The following NRG1 variants were observed in gnomAD, a reference collection of about 807,000 sequenced individuals.
NRG1 encodes pro-neuregulin-1, membrane-bound isoform.
Under a neutral mutation model 63.8 loss-of-function variants are expected in NRG1, and 18 were observed. The observed-to-expected ratio is 0.28, with a 90% CI of 0.19 to 0.42. NRG1 has a LOEUF of 0.42. NRG1 is among the 10% of genes least tolerant of loss of function. The pLI is 1.00. For missense variants in NRG1, 762 were observed against 814.7 expected, an observed-to-expected ratio of 0.94 and a Z score of 0.79; for synonymous variants, 302 against 301.3, an observed-to-expected ratio of 1.00 and a Z score of -0.02.
At chr8:32,389,295 AT>A (rs1327167254) in intron 1 of NRG1, among the ~76,000 whole-genome samples, 1 of 152,214 alleles carries the variant, frequency 6.6e-6, no homozygotes, top group Admixed American at 6.5e-5. Context: ...AAAGAAGCCT[AT>A]CAGCAGAGAT....
chr8:31,949,496 T>C (rs1586003400), intron 1 of NRG1, among the ~76,000 whole-genome samples: 1 of 152,360 alleles, frequency 6.6e-6, no homozygotes, highest in East Asian at 1.9e-4. Context: ...TTTGTTTCAC[T>C]GGATTGCTCA....
rs1232875525 is a variant in NRG1, at chr8:31,917,056, G to GT, written c.37+277632dup. On this transcript the variant is annotated intron_variant, in intron 1 of 10. Transcript: ENST00000519301. Reference sequence around the variant, plus strand: ...CGCCCACTTTTTGATGTGGTTGTTTGTTTTTTTCTTGTAAATTTATTTGAG... The same window carrying GT: ...CGCCCACTTTTTGATGTGGTTGTTTGTTTTTTTTCTTGTAAATTTATTTGAG... 1.7e-3 allele frequency among the ~76,000 whole-genome samples: 255 copies of GT among 150,564 alleles called. 2 individuals are homozygous for GT. Among genetic ancestry groups the GT allele is most frequent in the African/African-American group, 5.9e-3 (239 of 40,844 alleles).
chr8:31,865,902 T>G (rs760384155), intron 1 of NRG1, among the ~76,000 whole-genome samples: 25 of 152,238 alleles, frequency 1.6e-4, no homozygotes, highest in Admixed American at 5.2e-4. Flanking sequence ...GAAAAGAAAT[T>G]TACTTCTTAT....
At chr8:31,862,437 T>C (rs1167614692) in intron 1 of NRG1, among the ~76,000 whole-genome samples, 5 of 152,228 alleles carry the variant, frequency 3.3e-5, no homozygotes, top group Non-Finnish European at 7.3e-5. Flanking sequence ...GATACTAAGT[T>C]GTGACAAAAT....
At chr8:32,176,408 T>C (rs1414915074) in intron 1 of NRG1, among the ~76,000 whole-genome samples, 33 of 152,178 alleles carry the variant, frequency 2.2e-4, no homozygotes. Context: ...ATTCAGGACA[T>C]AGGCATGGAC....
chr8:32,569,324 C>T (rs559307586), intron 1 of NRG1, among the ~76,000 whole-genome samples: 10 of 152,286 alleles, frequency 6.6e-5, no homozygotes, highest in African/African-American at 2.4e-4. Flanking sequence ...GCTGGGATTA[C>T]AGGCATGAGC....
chr8:31,745,701 T>C (rs984558704), intron 1 of NRG1, among the ~76,000 whole-genome samples: 27 of 152,026 alleles, frequency 1.8e-4, no homozygotes, highest in Non-Finnish European at 1.3e-4. Context: ...TGAGACTCTG[T>C]GATGATACCT....
At chr8:32,249,526 C>T (rs1054465952) in intron 1 of NRG1, among the ~76,000 whole-genome samples, 16 of 152,146 alleles carry the variant, frequency 1.1e-4, no homozygotes, top group Admixed American at 1.0e-3. Flanking sequence ...TGTCTTTCAC[C>T]CATAAGATAC....
chr8:32,551,970 G>A (rs537379458), intron 1 of NRG1, among the ~76,000 whole-genome samples: 2 of 150,214 alleles, frequency 1.3e-5, no homozygotes, highest in Non-Finnish European at 3.0e-5. Context: ...AGTGCAGTGG[G>A]TGCAATCTCG....
intron 1 of NRG1, among the ~76,000 whole-genome samples, chr8:32,276,433 C>T (rs1317398729): frequency 6.6e-6 from 1 of 152,156 alleles, no homozygotes; most frequent in Non-Finnish European, 1.5e-5. Flanking sequence ...ACATTTTCTT[C>T]ATCCATCCAT....
At chr8:32,750,377 T>C (rs187486019) in intron 7 of NRG1, among the ~76,000 whole-genome samples, 1 of 152,184 alleles carries the variant, frequency 6.6e-6, no homozygotes, top group Admixed American at 6.5e-5. Flanking sequence ...TCCTACATAG[T>C]TGGGATTGAA....
intron 1 of NRG1, among the ~76,000 whole-genome samples, chr8:32,182,749 C>T (rs1563881445): frequency 6.6e-6 from 1 of 152,022 alleles, no homozygotes; most frequent in African/African-American, 2.4e-5. Context: ...CTTTACAAAA[C>T]AGTGTTAATA....
At chr8:32,240,904 G>A (rs905647939) in intron 1 of NRG1, among the ~76,000 whole-genome samples, 9 of 151,992 alleles carry the variant, frequency 5.9e-5, no homozygotes, top group Admixed American at 1.3e-4. Context: ...CCTATCCAAA[G>A]CTTAGTCAAT....
chr8:32,546,207 T>C (rs1833046458), upstream of NRG1, among the ~76,000 whole-genome samples: 1 of 152,116 alleles, frequency 6.6e-6, no homozygotes, highest in Non-Finnish European at 1.5e-5. Context: ...GAAAAATTAC[T>C]CTAAAAATGA....
intron 1 of NRG1, among the ~76,000 whole-genome samples, chr8:32,059,303 T>C (rs566709944): frequency 6.6e-6 from 1 of 152,056 alleles, no homozygotes; most frequent in South Asian, 2.1e-4. Context: ...ATCCCCCTTC[T>C]AGAGTCGTCT....
intron 1 of NRG1, among the ~76,000 whole-genome samples, chr8:32,113,778 G>T (rs1585383883): frequency 6.6e-6 from 1 of 152,162 alleles, no homozygotes; most frequent in East Asian, 1.9e-4. Flanking sequence ...AGCAGAATAA[G>T]AAAACATGGT....
chr8:32,679,235 T>C (rs1336733546), intron 5 of NRG1, among the ~76,000 whole-genome samples: 3 of 152,188 alleles, frequency 2.0e-5, no homozygotes, highest in African/African-American at 4.8e-5. Context: ...ACATAAAAGG[T>C]AAAGTGTCCT....
chr8:32,579,707 C>T (rs935325000), intron 1 of NRG1, among the ~76,000 whole-genome samples: 3 of 152,126 alleles, frequency 2.0e-5, no homozygotes, highest in Admixed American at 6.5e-5. Flanking sequence ...ATTGATTTCT[C>T]CTTGGGAACT....
chr8:32,228,400 C>T (rs1846554997), intron 1 of NRG1, among the ~76,000 whole-genome samples: 1 of 152,152 alleles, frequency 6.6e-6, no homozygotes, highest in Non-Finnish European at 1.5e-5. Flanking sequence ...AACTTCATAA[C>T]TTCTAAAGCC....
Sources: allele counts gnomAD v4.1 joint callset (sites outside exome capture counted in the v4.1 genomes callset), GRCh38; gene constraint gnomAD v4.1.1; transcripts MANE v1.5; gene names NCBI Gene and HGNC (gene_info 2026-07-23, HGNC 2026-07-21).